The following PLEKHA7 variants were observed in gnomAD, a reference collection of about 807,000 sequenced individuals.
PLEKHA7 encodes the protein pleckstrin homology domain containing A7, also known as pleckstrin homology domain-containing family A member 7.
Under a neutral mutation model 170.0 loss-of-function variants are expected in PLEKHA7, and 104 were observed. That is an observed-to-expected ratio of 0.61 (90% confidence interval 0.52 to 0.72). PLEKHA7 has a LOEUF of 0.72. Ranked by LOEUF, PLEKHA7 falls within the 30% of genes least tolerant of loss-of-function variation. The pLI, the probability that PLEKHA7 is intolerant of heterozygous loss-of-function variation, is 0.00. For missense variants in PLEKHA7, 1,615 were observed against 1,671.7 expected, an observed-to-expected ratio of 0.97 and a Z score of 0.59; for synonymous variants, 648 against 660.8, an observed-to-expected ratio of 0.98 and a Z score of 0.30.
intron 3 of PLEKHA7, among the ~76,000 whole-genome samples, chr11:16,957,242 A>G (rs1429912329): frequency 1.3e-5 from 2 of 152,260 alleles, no homozygotes; most frequent in Admixed American, 1.3e-4. Flanking sequence ...CAGATGTTCA[A>G]CACATTATTA....
chr11:16,963,198 C>T (rs1460445849), intron 3 of PLEKHA7, among the ~76,000 whole-genome samples: 1 of 152,212 alleles, frequency 6.6e-6, no homozygotes, highest in Non-Finnish European at 1.5e-5. Flanking sequence ...ATTAGAAAAG[C>T]AGAGAAGCAA....
chr11:16,910,345 CAA>C (rs1858158269), intron 3 of PLEKHA7, among the ~76,000 whole-genome samples: 1 of 152,202 alleles, frequency 6.6e-6, no homozygotes, highest in Non-Finnish European at 1.5e-5. Flanking sequence ...GATTGGAGTC[CAA>C]AGTCAGTGAT....
chr11:16,856,846 C>G (rs1853498816), intron 4 of PLEKHA7, among the ~76,000 whole-genome samples: 1 of 152,206 alleles, frequency 6.6e-6, no homozygotes, highest in Non-Finnish European at 1.5e-5. Context: ...AAGTGGAAGT[C>G]TCCACGCTCT....
chr11:16,820,451 C>T (rs1252105838), intron 10 of PLEKHA7, among the ~76,000 whole-genome samples: 1 of 152,166 alleles, frequency 6.6e-6, no homozygotes, highest in African/African-American at 2.4e-5. Context: ...CCAAGTGAGT[C>T]GGCCTGCCAC....
At chr11:16,793,180 C>T (rs866104855) in intron 19 of PLEKHA7, among the ~76,000 whole-genome samples, 1 of 152,230 alleles carries the variant, frequency 6.6e-6, no homozygotes, top group South Asian at 2.1e-4. Flanking sequence ...GAATCAGTCC[C>T]GGAATCTGGG....
intron 13 of PLEKHA7, chr11:16,803,508 A>G (rs1286423995): frequency 1.8e-6 from 1 of 560,094 alleles, no homozygotes; most frequent in East Asian, 2.9e-5. Context: ...GATTCTAGTA[A>G]TGCTGGTAAG....
Position 16,850,783 on chromosome 11 carries a change from A to G in PLEKHA7, c.696+408T>C, listed in dbSNP as rs549399269. ...AGTGGACAAAGCTGACAGCCTCTTTAACACGCAGGCCCCTAACCTTCAATG... is the reference window on the plus strand; with the variant it reads ...AGTGGACAAAGCTGACAGCCTCTTTGACACGCAGGCCCCTAACCTTCAATG... On this transcript the variant is annotated intron_variant, in intron 8 of 26. Transcript: ENST00000531066. 1.4e-4 allele frequency among the ~76,000 whole-genome samples: 21 copies of G among 152,390 alleles called. No individual in the cohort carries two copies. In the South Asian group the frequency reaches 4.1e-3, roughly 30 times the overall value.
intron 17 of PLEKHA7, among the ~76,000 whole-genome samples, chr11:16,795,851 C>CTTTTTTTTTTT (rs1179377641): frequency 3.2e-5 from 3 of 93,080 alleles, no homozygotes; most frequent in South Asian, 4.5e-4. Flanking sequence ...CAGTTTTTTC[C>CTTTTTTTTTTT]TTTTTTTTTT....
At chr11:16,915,860 T>C (rs1590605095) in intron 3 of PLEKHA7, among the ~76,000 whole-genome samples, 2 of 149,952 alleles carry the variant, frequency 1.3e-5, no homozygotes, top group Non-Finnish European at 3.0e-5. Context: ...TGATTTATAG[T>C]CCTTTGGGTA....
At chr11:17,002,884 C>T (rs1206180195) in intron 3 of PLEKHA7, among the ~76,000 whole-genome samples, 1 of 151,866 alleles carries the variant, frequency 6.6e-6, no homozygotes, top group African/African-American at 2.4e-5. Context: ...CACTCCTTCC[C>T]CCCAACACAA....
chr11:16,828,864 G>C (rs540945696), intron 9 of PLEKHA7, among the ~76,000 whole-genome samples: 2 of 152,316 alleles, frequency 1.3e-5, no homozygotes, highest in African/African-American at 4.8e-5. Flanking sequence ...AACTATGTGG[G>C]AAGGCACTAC....
chr11:16,948,460 G>T (rs1861189451), intron 3 of PLEKHA7, among the ~76,000 whole-genome samples: 1 of 151,996 alleles, frequency 6.6e-6, no homozygotes, highest in East Asian at 1.9e-4. Flanking sequence ...GACTGTATCA[G>T]AATGTCCTCC....
intron 12 of PLEKHA7, among the ~76,000 whole-genome samples, chr11:16,815,824 G>C (rs113709667): frequency 6.6e-4 from 101 of 152,236 alleles, no homozygotes; most frequent in Middle Eastern, 3.4e-3. Flanking sequence ...TCTCAGACTC[G>C]AGCTTTGAAG....
chr11:16,960,175 G>T (rs1056805755), intron 3 of PLEKHA7, among the ~76,000 whole-genome samples: 1 of 152,116 alleles, frequency 6.6e-6, no homozygotes, highest in Non-Finnish European at 1.5e-5. Context: ...CTTCACTCCC[G>T]GACGCTGACC....
rs768758783 is a variant in PLEKHA7 at position 16,803,030 on chromosome 11, T to G, written c.2099A>C (p.Glu700Ala). 6.2e-7 allele frequency: 1 copy of G among 1,614,166 alleles called. No homozygotes were observed. Among genetic ancestry groups the G allele is most frequent in the Non-Finnish European group, 8.5e-7 (1 of 1,180,028 alleles). The change falls in exon 15 of 27, where the codon GAA (glutamate) becomes GCA (alanine). Residue 700 changes from glutamate to alanine, a missense_variant. By Grantham distance (107) the Glu-to-Ala change is moderately radical. Transcript: ENST00000531066. ...DTDVKLSIFC[E>A]QDRVLQDLED... ...CAAGTCCTGGAGGACCCTGTCTTGT[T>G]CACAGAAGATGCTCAGTTTGACCTA...
intron 17 of PLEKHA7, among the ~76,000 whole-genome samples, chr11:16,797,431 C>T (rs1028702238): frequency 4.6e-5 from 7 of 152,190 alleles, no homozygotes; most frequent in African/African-American, 1.7e-4. Flanking sequence ...TCCATCCCTA[C>T]AGGGCCTGGC....
chr11:16,907,422 C>T (rs1476276579), intron 3 of PLEKHA7, among the ~76,000 whole-genome samples: 2 of 127,948 alleles, frequency 1.6e-5, no homozygotes, highest in Admixed American at 7.2e-5. Context: ...GCCGCCCCGT[C>T]CGGGAGGTGA....
chr11:16,823,154 C>A (rs1442220329), intron 10 of PLEKHA7, among the ~76,000 whole-genome samples: 1 of 151,982 alleles, frequency 6.6e-6, no homozygotes, highest in Non-Finnish European at 1.5e-5. Context: ...GCCACCACAT[C>A]CAGATAATTT....
chr11:16,866,417 C>G (rs950640668), intron 4 of PLEKHA7, among the ~76,000 whole-genome samples: 1 of 151,896 alleles, frequency 6.6e-6, no homozygotes, highest in African/African-American at 2.4e-5. Flanking sequence ...CATGGTGAAA[C>G]CCCGTCTCTA....
Sources: gnomAD v4.1 joint callset for allele counts (sites outside exome capture counted in the v4.1 genomes callset) on GRCh38, gnomAD v4.1.1 for gene constraint, MANE v1.5 for transcripts, NCBI Gene and HGNC (gene_info 2026-07-23, HGNC 2026-07-21) for gene names.